Variants in UGT1A5 observed in about 807,000 individuals in gnomAD.
UGT1A5 encodes the protein UDP-glucuronosyltransferase 1A5.
Under a neutral mutation model 40.3 loss-of-function variants are expected in UGT1A5, and 29 were observed. The observed-to-expected ratio is 0.72, with a 90% CI of 0.54 to 0.98. The LOEUF is 0.98. UGT1A5 is among the 50% of genes least tolerant of loss of function. The pLI, the probability that UGT1A5 is intolerant of heterozygous loss-of-function variation, is 0.00. For synonymous variants in UGT1A5, 257 were observed against 262.5 expected (o/e 0.98, Z 0.20); for missense variants, 678 against 677.9 (o/e 1.00, Z 0.00).
At position 233,769,585 on chromosome 2, in the gene UGT1A5, G is replaced by A; in HGVS notation, c.1307+1146G>A. On this transcript the variant is annotated intron_variant, in intron 4 of 4. Transcript: ENST00000373414. This position sits in a 1 kb window ranked among gnomAD's most constrained non-coding sequence, Gnocchi z 4.4. ...GAAGAGCTGGAGCATGTTCAGATGA[G>A]AGGAGACGGAACACGGGGACACACC... is the stretch of plus-strand genomic sequence containing the variant. 1.2e-6 allele frequency: 2 copies of A among 1,612,920 alleles called. No individual in the cohort carries two copies. Among genetic ancestry groups the A allele is most frequent in the Non-Finnish European group, 1.7e-6 (2 of 1,179,890 alleles).
intron 1 of UGT1A5, among the ~76,000 whole-genome samples, chr2:233,758,290 A>G (rs1270361168): frequency 6.6e-6 from 1 of 152,254 alleles, no homozygotes; most frequent in East Asian, 1.9e-4. Flanking sequence ...AGCTGTGGCC[A>G]CAAACCATCC....
chr2:233,756,734 ACCT>A (rs1246183091), intron 1 of UGT1A5, among the ~76,000 whole-genome samples: 2 of 151,778 alleles, frequency 1.3e-5, no homozygotes, highest in African/African-American at 2.4e-5. Flanking sequence ...AGTTCTCTTC[ACCT>A]CCTCCTTATT....
intron 1 of UGT1A5, 105 bp from the exon 2 acceptor site, chr2:233,766,924 ATGCCT>A: frequency 6.4e-7 from 1 of 1,565,450 alleles, no homozygotes; most frequent in Non-Finnish European, 8.6e-7. Context: ...TCAAACACGC[ATGCCT>A]TTAATCATAG....
chr2:233,729,207 G>A (rs6706232), intron 1 of UGT1A5: 749,602 of 1,613,822 alleles, frequency 0.46, 180,459 homozygotes, highest in African/African-American at 0.76. Flanking sequence ...CCTGGGCTGA[G>A]AGTGGAAAGG....
intron 1 of UGT1A5, chr2:233,755,226 G>C: frequency 1.0e-6 from 1 of 975,544 alleles, no homozygotes; most frequent in South Asian, 1.3e-5. Flanking sequence ...ACCCTCGGAC[G>C]AGGCCTACCG....
At chr2:233,754,857 G>A (rs184077420) in intron 1 of UGT1A5, 3 of 1,349,946 alleles carry the variant, frequency 2.2e-6, no homozygotes, top group East Asian at 9.1e-5. Flanking sequence ...GAAAAGGGGT[G>A]CAGACCCTCT....
At chr2:233,726,437 T>C (rs955428993) in intron 1 of UGT1A5, among the ~76,000 whole-genome samples, 7 of 152,238 alleles carry the variant, frequency 4.6e-5, no homozygotes, top group Non-Finnish European at 8.8e-5. Flanking sequence ...CTTAATCTTA[T>C]TCTTTCCACT....
chr2:233,767,876 C>A lies in UGT1A5; in HGVS notation c.1027C>A (p.Pro343Thr), dbSNP rs773195449. ...TVLWRYTGTR[P>T]SNLANNTILV... ...CCTGTGGCGGTACACTGGAACCCGA[C>A]CATCGAATCTTGCGAACAACACGAT... The change falls in exon 3 of 5, where the codon CCA becomes ACA. Residue 343 changes from proline (P) to threonine (T), a missense_variant. Physicochemically the swap from Pro to Thr is conservative, Grantham distance 38 (BLOSUM62 -1). Transcript: ENST00000373414. 23 of 1,614,060 alleles carry A rather than the reference C, an allele frequency of 1.4e-5. No individual in the cohort carries two copies. The highest frequency in any genetic ancestry group is 1.8e-5 in the Non-Finnish European group (21 of 1,180,054).
At chr2:233,732,788 G>T (rs1197919428) in intron 1 of UGT1A5, among the ~76,000 whole-genome samples, 1 of 148,664 alleles carries the variant, frequency 6.7e-6, no homozygotes, top group Non-Finnish European at 1.5e-5. Context: ...GATTGTCTTG[G>T]CAATGCAGGC....
rs375498105 is a variant in UGT1A5 at position 233,743,694 on chromosome 2, C to T, written c.868-23340C>T. 64 of 1,367,302 alleles carry T rather than the reference C, an allele frequency of 4.7e-5. No homozygotes were observed. In the African/African-American group the frequency reaches 6.5e-4, roughly 14 times the overall value. The allele number at this position is 1,367,302 out of a possible 1,614,324, so 84.7% of individuals were successfully genotyped here. A position where few individuals can be genotyped will look rare whatever the true frequency, so the allele number is the denominator to read the frequency against. ...AAGGGCCTGCCGCCTGTGCAGCCGC[C>T]CTCCGCCCCCGCCTCGCCATAGCGG... On this transcript the variant is annotated intron_variant, in intron 1 of 4. Coordinates refer to ENST00000373414, the MANE Select transcript of UGT1A5 (RefSeq NM_019078.2).
chr2:233,762,986 G>A (rs1271717565), intron 1 of UGT1A5, among the ~76,000 whole-genome samples: 1 of 152,018 alleles, frequency 6.6e-6, no homozygotes, highest in Non-Finnish European at 1.5e-5. Context: ...CTATTTTAGT[G>A]GAAATTGATT....
chr2:233,713,499 G>A lies in UGT1A5; in HGVS notation c.508G>A (p.Val170Met). The A allele has an allele frequency of 2.5e-6, 4 of 1,614,000 alleles. No individual in the cohort carries two copies. The highest frequency in any genetic ancestry group is 1.7e-4 in the Middle Eastern group (1 of 6,056). ...VLAKYLSIPA[V>M]FFLRNIPCDL... Reference sequence around the variant, plus strand: ...GGCTAAGTACCTGTCGATTCCTGCTGTGTTTTTCTTGAGGAACATTCCATG... The same window carrying A: ...GGCTAAGTACCTGTCGATTCCTGCTATGTTTTTCTTGAGGAACATTCCATG... Residue 170 changes from valine (V) to methionine (M), a missense_variant, in exon 1 of 5, where the codon GTG becomes ATG. Val to Met is a conservative substitution (Grantham distance 21). Transcript: ENST00000373414.
chr2:233,721,816 C>T, intron 1 of UGT1A5: 1 of 516,128 alleles, frequency 1.9e-6, no homozygotes, highest in Non-Finnish European at 3.9e-6. Flanking sequence ...AAATCCAGCA[C>T]CCTATTTGGG....
rs958350621 is a variant in UGT1A5 at position 233,758,917 on chromosome 2, C to G, written c.868-8117C>G. ...ACAAATTTGAGTTGTTTTTGCTCAT[C>G]TTTCCCTTTTGACTTCAAATCAGTC... On this transcript the variant is annotated intron_variant, in intron 1 of 4. Coordinates refer to ENST00000373414, the MANE Select transcript of UGT1A5 (RefSeq NM_019078.2). Among the ~76,000 whole-genome samples the G allele has an allele frequency of 5.9e-5, 9 of 152,224 alleles. 1 individual carries two copies. Among genetic ancestry groups the G allele is most frequent in the Admixed American group, 3.3e-4 (5 of 15,286 alleles).
intron 1 of UGT1A5, among the ~76,000 whole-genome samples, chr2:233,736,004 C>T (rs1319353542): frequency 6.6e-6 from 1 of 152,188 alleles, no homozygotes; most frequent in Non-Finnish European, 1.5e-5. Context: ...TTGTTCTTCT[C>T]GAGGAGTATC....
intron 1 of UGT1A5, chr2:233,718,915 T>C (rs979373640): frequency 6.2e-7 from 1 of 1,613,984 alleles, no homozygotes; most frequent in African/African-American, 1.3e-5. Context: ...GGAAAGGTGT[T>C]GGTGGTGCCC....
intron 1 of UGT1A5, among the ~76,000 whole-genome samples, chr2:233,739,458 G>A (rs183243418): frequency 1.3e-5 from 2 of 152,366 alleles, no homozygotes; most frequent in Non-Finnish European, 2.9e-5. Context: ...CAGGGTTGGA[G>A]CTGCCTGAGA....
rs1575628986 is a variant in UGT1A5 at position 233,739,340 on chromosome 2, A to AT, written c.867+25482_867+25483insT. 3.9e-5 allele frequency among the ~76,000 whole-genome samples: 6 copies of AT among 152,276 alleles called. No individual in the cohort carries two copies. In the East Asian group the frequency reaches 5.8e-4, roughly 15 times the overall value. On this transcript the variant is annotated intron_variant, in intron 1 of 4. Coordinates refer to ENST00000373414, the MANE Select transcript of UGT1A5 (RefSeq NM_019078.2). Reference sequence around the variant, plus strand: ...GAGAAGAAGGCCACAGTCCTTCAGAACCCAGAAGGGCAGATCCAATAGCTT... The same window carrying AT: ...GAGAAGAAGGCCACAGTCCTTCAGAATCCCAGAAGGGCAGATCCAATAGCTT...
chr2:233,739,008 T>C (rs1430369611), intron 1 of UGT1A5: 2 of 152,268 alleles, frequency 1.3e-5, no homozygotes, highest in Admixed American at 6.5e-5. Context: ...TGTGTCCCAG[T>C]GGCTCCAGCC....
Sources: gnomAD v4.1 joint callset for allele counts (sites outside exome capture counted in the v4.1 genomes callset) on GRCh38, gnomAD v4.1.1 for gene constraint, Gnocchi (gnomAD v3.1) non-coding constraint, MANE v1.5 for transcripts, NCBI Gene and HGNC (gene_info 2026-07-23, HGNC 2026-07-21) for gene names.